STPG2: variants seen among roughly 807,000 people sequenced by gnomAD.
STPG2 encodes the protein sperm-tail PG-rich repeat-containing protein 2.
Under a neutral mutation model 54.2 loss-of-function variants are expected in STPG2, and 56 were observed. The ratio of observed to expected loss-of-function variants is 1.03; its 90% CI spans 0.83 to 1.29. The LOEUF is 1.29. Among genes scored for constraint, STPG2 ranks in the 50% most tolerant of loss-of-function variants. STPG2 has a pLI of 0.00. For synonymous variants in STPG2, 200 were observed against 181.8 expected (o/e 1.10, Z -0.81); for missense variants, 596 against 544.9 (o/e 1.09, Z -0.93).
chr4:97,797,066 A>C (rs1434511163), intron 9 of STPG2, among the ~76,000 whole-genome samples: 1 of 152,224 alleles, frequency 6.6e-6, no homozygotes, highest in Non-Finnish European at 1.5e-5. Flanking sequence ...GAAGTTGCTT[A>C]TCAGCTTAAA....
At chr4:98,119,517 T>C (rs13131781) in intron 3 of STPG2, among the ~76,000 whole-genome samples, 2 of 152,038 alleles carry the variant, frequency 1.3e-5, no homozygotes, top group Non-Finnish European at 2.9e-5. Context: ...CTATAAAAGA[T>C]ACAATTGAGG....
intron 9 of STPG2, among the ~76,000 whole-genome samples, chr4:97,767,378 C>A (rs914606307): frequency 6.6e-6 from 1 of 152,056 alleles, no homozygotes; most frequent in Non-Finnish European, 1.5e-5. Context: ...TACCATTTAT[C>A]CTCAACAAAA....
intron 10 of STPG2, among the ~76,000 whole-genome samples, chr4:97,620,110 C>T (rs992781712): frequency 1.3e-5 from 2 of 152,144 alleles, no homozygotes; most frequent in African/African-American, 2.4e-5. Flanking sequence ...AGGCGTGAGC[C>T]ACTGCACCCA....
rs75703153 is a variant in STPG2 at position 97,615,466 on chromosome 4, T to G, written c.1321-56349A>C. Among the ~76,000 whole-genome samples, 159 of 152,126 alleles carry G rather than the reference T, an allele frequency of 1.0e-3. 1 individual carries two copies. Among genetic ancestry groups the G allele is most frequent in the Non-Finnish European group, 1.7e-3 (115 of 67,976 alleles). ...TTTTAATGATAGTAATTTTAAAAAT[T>G]TTTTAGAGACGAAATCTTGCTGTAT... On this transcript the variant is annotated intron_variant, in intron 10 of 10. Transcript: ENST00000295268.
At chr4:97,478,146 T>C (rs1730125236) in intron 4 of STPG2, among the ~76,000 whole-genome samples, 1 of 152,240 alleles carries the variant, frequency 6.6e-6, no homozygotes, top group Non-Finnish European at 1.5e-5. Context: ...TTACACTGGG[T>C]TTTGAAACAT....
intron 5 of STPG2, among the ~76,000 whole-genome samples, chr4:98,061,979 A>G (rs903423378): frequency 2.6e-5 from 4 of 152,224 alleles, no homozygotes; most frequent in African/African-American, 4.8e-5. Context: ...TGATTCTACC[A>G]TAAAGACACA....
At position 98,091,768 on chromosome 4, in the gene STPG2, A is replaced by G. The variant is rs534512603; in HGVS notation, c.612+14185T>C. On this transcript the variant is annotated intron_variant, in intron 5 of 10. Transcript: ENST00000295268. ...AGACACTGTGTTAAGCATTGTGTGT[A>G]TATACATATATATTCAGATATCATT... Among the ~76,000 whole-genome samples, 23 of 151,834 alleles carry G rather than the reference A, an allele frequency of 1.5e-4. No individual in the cohort carries two copies. The East Asian group carries it at 2.7e-3, about 18-fold the overall frequency.
intron 3 of STPG2, among the ~76,000 whole-genome samples, chr4:98,121,798 T>C (rs1356751184): frequency 2.0e-5 from 3 of 152,054 alleles, no homozygotes; most frequent in African/African-American, 7.2e-5. Context: ...CTCGGCTCAC[T>C]GCAACTTCCA....
intron 9 of STPG2, among the ~76,000 whole-genome samples, chr4:97,798,589 T>A (rs1265636785): frequency 6.7e-6 from 1 of 149,450 alleles, no homozygotes; most frequent in African/African-American, 2.5e-5. Flanking sequence ...TGCTGAGAAG[T>A]GCTTTACTTC....
intron 5 of STPG2, among the ~76,000 whole-genome samples, chr4:97,991,556 T>C (rs1167248732): frequency 6.6e-6 from 1 of 151,872 alleles, no homozygotes; most frequent in Non-Finnish European, 1.5e-5. Context: ...ATTGTGCTGC[T>C]ATAAACATGT....
intron 4 of STPG2, among the ~76,000 whole-genome samples, chr4:97,505,043 ATT>A (rs532296659): frequency 6.7e-6 from 1 of 148,182 alleles, no homozygotes; most frequent in African/African-American, 2.5e-5. Context: ...TTACAGTGGT[ATT>A]TTTTTTTTTC....
At chr4:97,865,169 G>C (rs1729720191) in intron 8 of STPG2, among the ~76,000 whole-genome samples, 1 of 151,914 alleles carries the variant, frequency 6.6e-6, no homozygotes, top group South Asian at 2.1e-4. Context: ...TACAGAATGG[G>C]AGAAAATTTT....
At chr4:97,516,845 C>T (rs982342765) in intron 4 of STPG2, among the ~76,000 whole-genome samples, 1 of 107,174 alleles carries the variant, frequency 9.3e-6, no homozygotes, top group Non-Finnish European at 2.1e-5. Flanking sequence ...TCAACAACAA[C>T]AACAATATAT....
intron 8 of STPG2, among the ~76,000 whole-genome samples, chr4:97,923,244 G>C (rs1353710509): frequency 6.6e-6 from 1 of 152,258 alleles, no homozygotes; most frequent in African/African-American, 2.4e-5. Flanking sequence ...GCCTGCGGGG[G>C]GGTGTGGAGA....
At chr4:97,572,282 G>C (rs1176936526) in intron 10 of STPG2, among the ~76,000 whole-genome samples, 2 of 152,076 alleles carry the variant, frequency 1.3e-5, no homozygotes, top group Admixed American at 6.6e-5. Flanking sequence ...CAGCCATTCA[G>C]TTACTTCAGC....
rs1259947770 is a variant in STPG2, at chr4:98,072,584, AAAATAAAATAAAAT to A, written c.612+33355_612+33368del. ...TGAAGGGAAAATAATAAAATAAAAT[AAAATAAAATAAAAT>A]AAAATAAAATAAAATAAAACAAAAC... On this transcript the variant is annotated intron_variant, in intron 5 of 10. Transcript: ENST00000295268. Among the ~76,000 whole-genome samples the A allele has an allele frequency of 2.4e-3, 133 of 56,072 alleles. 1 individual carries two copies. The highest frequency in any genetic ancestry group is 5.3e-3 in the Admixed American group (18 of 3,414). The allele number at this position is 56,072 out of a possible 152,430, so 36.8% of individuals were successfully genotyped here. A position where few individuals can be genotyped will look rare whatever the true frequency, so the allele number is the denominator to read the frequency against.
chr4:97,829,099 C>T lies in STPG2; in HGVS notation c.1204+11674G>A, dbSNP rs895519846. ...CTGGGAGACATCTCCGAGTAGGGGT[C>T]GACAGACACCTCATACAGGAGAGCT... On this transcript the variant is annotated intron_variant, in intron 9 of 10. Transcript: ENST00000295268. Among the ~76,000 whole-genome samples, 3 of 152,100 alleles carry T rather than the reference C, an allele frequency of 2.0e-5. No homozygotes were observed. The East Asian group carries it at 5.8e-4, about 29-fold the overall frequency.
chr4:97,480,563 GA>G (rs1730194933), intron 4 of STPG2, among the ~76,000 whole-genome samples: 2 of 151,548 alleles, frequency 1.3e-5, no homozygotes, highest in Non-Finnish European at 3.0e-5. Flanking sequence ...ATTCCCACTA[GA>G]AATGTATGAG....
intron 10 of STPG2, among the ~76,000 whole-genome samples, chr4:97,693,039 T>A (rs1169269252): frequency 6.6e-6 from 1 of 151,714 alleles, no homozygotes; most frequent in Non-Finnish European, 1.5e-5. Flanking sequence ...CAAGAACTGA[T>A]ACAAGTAGCT....
Sources: gnomAD v4.1 joint callset for allele counts (sites outside exome capture counted in the v4.1 genomes callset) on GRCh38, gnomAD v4.1.1 for gene constraint, MANE v1.5 for transcripts, NCBI Gene and HGNC (gene_info 2026-07-23, HGNC 2026-07-21) for gene names.